The following ASIC2 variants were observed in gnomAD, a reference collection of about 807,000 sequenced individuals.
ASIC2 encodes the protein acid-sensing ion channel 2.
Under a neutral mutation model 57.3 loss-of-function variants are expected in ASIC2, and 25 were observed. That is an observed-to-expected ratio of 0.44 (90% CI 0.32 to 0.61). The LOEUF is 0.61. Ranked by LOEUF, ASIC2 falls within the 20% of genes least tolerant of loss-of-function variation. The pLI, the probability that ASIC2 is intolerant of heterozygous loss-of-function variation, is 0.06. For synonymous variants in ASIC2, 319 were observed against 307.5 expected (o/e 1.04, Z -0.39); for missense variants, 641 against 738.1 (o/e 0.87, Z 1.52).
At chr17:33,770,025 C>T (rs1911048149) in intron 1 of ASIC2, among the ~76,000 whole-genome samples, 1 of 152,312 alleles carries the variant, frequency 6.6e-6, no homozygotes, top group East Asian at 1.9e-4. Flanking sequence ...AGCTGAATGA[C>T]CACTGAGGTC....
At chr17:33,477,045 A>G (rs116123411) in intron 1 of ASIC2, among the ~76,000 whole-genome samples, 247 of 152,268 alleles carry the variant, frequency 1.6e-3, no homozygotes, top group African/African-American at 5.6e-3. Context: ...TGTATACTAT[A>G]CATCTATCTG....
intron 1 of ASIC2, among the ~76,000 whole-genome samples, chr17:33,943,548 C>T (rs1196941525): frequency 2.0e-5 from 3 of 152,138 alleles, no homozygotes; most frequent in African/African-American, 4.8e-5. Context: ...AGGCTGCAGA[C>T]CCTAGAAGGT....
chr17:34,022,414 T>C (rs1303467511), intron 1 of ASIC2, among the ~76,000 whole-genome samples: 10 of 152,148 alleles, frequency 6.6e-5, no homozygotes, highest in Non-Finnish European at 1.3e-4. Context: ...CTATACAACC[T>C]GCTCAGAGTT....
At chr17:33,393,528 C>G (rs1909973058) in intron 1 of ASIC2, among the ~76,000 whole-genome samples, 2 of 152,198 alleles carry the variant, frequency 1.3e-5, no homozygotes, top group African/African-American at 4.8e-5. Flanking sequence ...ACCACACTAT[C>G]TGAGAGCTAT....
In ASIC2 at chr17:34,095,627, ATAATTT is replaced by A. The variant is rs1910496927; in HGVS notation, c.555+60345_555+60350del. Among the ~76,000 whole-genome samples, 3 of 72,142 alleles carry A rather than the reference ATAATTT, an allele frequency of 4.2e-5. No homozygotes were observed. In the African/African-American group the frequency reaches 4.5e-4, roughly 11 times the overall value. 47.3% of individuals were successfully genotyped at this position (72,142 alleles called of 152,430 possible). A position where few individuals can be genotyped will look rare whatever the true frequency, so the allele number is the denominator to read the frequency against. On this transcript the variant is annotated intron_variant, in intron 1 of 9. Coordinates refer to the ASIC2 transcript ENST00000359872. ...AAATTTTATATATATATATATATAT[ATAATTT>A]TATATATATATATATATATATAATT...
At chr17:33,313,282 G>A (rs1306981650) in intron 1 of ASIC2, among the ~76,000 whole-genome samples, 2 of 151,266 alleles carry the variant, frequency 1.3e-5, no homozygotes, top group Non-Finnish European at 2.9e-5. Flanking sequence ...AGCTATGATT[G>A]CCGTCACTGC....
chr17:33,254,767 C>T (rs1909000504), intron 1 of ASIC2, among the ~76,000 whole-genome samples: 1 of 152,110 alleles, frequency 6.6e-6, no homozygotes, highest in Non-Finnish European at 1.5e-5. Context: ...ATAATGCTTA[C>T]ATTGTAATAG....
intron 1 of ASIC2, among the ~76,000 whole-genome samples, chr17:34,116,531 G>C (rs1911428374): frequency 6.6e-6 from 1 of 152,150 alleles, no homozygotes; most frequent in Non-Finnish European, 1.5e-5. Flanking sequence ...AGGTGTTAAA[G>C]AAATCTTACA....
At chr17:33,966,215 G>A (rs1905069528) in intron 1 of ASIC2, among the ~76,000 whole-genome samples, 1 of 152,224 alleles carries the variant, frequency 6.6e-6, no homozygotes, top group African/African-American at 2.4e-5. Flanking sequence ...CTTTGTGAAA[G>A]GGAGCTCTTT....
intron 1 of ASIC2, among the ~76,000 whole-genome samples, chr17:33,272,697 A>G (rs545876776): frequency 6.6e-6 from 1 of 152,250 alleles, no homozygotes; most frequent in Admixed American, 6.5e-5. Flanking sequence ...ATCATCCACC[A>G]TCATCACCAT....
At chr17:33,510,608 G>C (rs1487540097) in intron 1 of ASIC2, among the ~76,000 whole-genome samples, 1 of 152,060 alleles carries the variant, frequency 6.6e-6, no homozygotes, top group Non-Finnish European at 1.5e-5. Flanking sequence ...CTCCAGCCTG[G>C]GCAATAGAGT....
chr17:33,316,234 A>G (rs531162904), intron 1 of ASIC2, among the ~76,000 whole-genome samples: 3 of 152,310 alleles, frequency 2.0e-5, no homozygotes, highest in South Asian at 2.1e-4. Flanking sequence ...GTTCTGAAAT[A>G]CAGACCTGAA....
chr17:34,051,212 A>C (rs1488864173), intron 1 of ASIC2, among the ~76,000 whole-genome samples: 2 of 152,200 alleles, frequency 1.3e-5, no homozygotes, highest in African/African-American at 2.4e-5. Context: ...GGCAGCAAGC[A>C]AACTGGTGAC....
At chr17:33,517,815 G>A (rs1914621531) in intron 1 of ASIC2, among the ~76,000 whole-genome samples, 1 of 151,944 alleles carries the variant, frequency 6.6e-6, no homozygotes, top group Admixed American at 6.6e-5. Flanking sequence ...AAACCTGCAC[G>A]TTGTGCACAT....
At chr17:34,107,443 A>T (rs1471136911) in intron 1 of ASIC2, among the ~76,000 whole-genome samples, 1 of 152,194 alleles carries the variant, frequency 6.6e-6, no homozygotes, top group Non-Finnish European at 1.5e-5. Context: ...TGGGAGGTGG[A>T]GGCTGCAATA....
intron 1 of ASIC2, among the ~76,000 whole-genome samples, chr17:33,529,166 G>A (rs1597768072): frequency 6.6e-6 from 1 of 152,216 alleles, no homozygotes; most frequent in Non-Finnish European, 1.5e-5. Flanking sequence ...AAATTTTTAA[G>A]ACTAGCTTTA....
intron 1 of ASIC2, among the ~76,000 whole-genome samples, chr17:33,489,566 G>A (rs1913685831): frequency 6.6e-6 from 1 of 152,206 alleles, no homozygotes; most frequent in African/African-American, 2.4e-5. Context: ...CACTGAAGCT[G>A]TCAGTTTCCC....
intron 1 of ASIC2, among the ~76,000 whole-genome samples, chr17:33,891,147 C>T (rs994656019): frequency 1.1e-4 from 17 of 152,192 alleles, no homozygotes; most frequent in African/African-American, 3.1e-4. Context: ...CCACTCCACC[C>T]TGTGCACATC....
chr17:33,125,382 G>A (rs534049904), intron 1 of ASIC2, among the ~76,000 whole-genome samples: 117 of 152,306 alleles, frequency 7.7e-4, no homozygotes, highest in Admixed American at 1.8e-3. Context: ...ATGCCTTACT[G>A]TCTCATCCTG....
Sources: allele counts gnomAD v4.1 joint callset (sites outside exome capture counted in the v4.1 genomes callset), GRCh38; gene constraint gnomAD v4.1.1; transcripts MANE v1.5; gene names NCBI Gene and HGNC (gene_info 2026-07-23, HGNC 2026-07-21).